ZKSCAN3: variants seen among roughly 807,000 people sequenced by gnomAD.
The protein encoded by ZKSCAN3 is zinc finger protein with KRAB and SCAN domains 3.
In ZKSCAN3, 21 loss-of-function variants were observed where a neutral mutation model predicts 30.7. The observed-to-expected ratio is 0.68, with a 90% confidence interval of 0.49 to 0.99. The LOEUF (loss-of-function observed/expected upper bound fraction) is 0.99, where lower values mean the gene tolerates loss of function less well. ZKSCAN3 is among the 50% of genes least tolerant of loss of function. The probability of loss-of-function intolerance (pLI) is 0.00; values close to 1 mark genes in which losing one functional copy is unlikely to be tolerated. For missense variants in ZKSCAN3, 507 were observed against 647.1 expected, an observed-to-expected ratio of 0.78 and a Z score of 2.35; for synonymous variants, 201 against 246.7, an observed-to-expected ratio of 0.81 and a Z score of 1.73.
Position 28,365,542 on chromosome 6 carries a change from G to A in ZKSCAN3, c.874G>A (p.Ala292Thr). Residue 292 changes from alanine (A) to threonine (T), a missense_variant, in exon 6 of 6, where the codon GCA becomes ACA. Transcript: ENST00000252211. Reference sequence around the variant, plus strand: ...AGACATTGCCCAGATTCCTACATGTGCAGAAGCTGGTGAACAGGAGGGCAG... The same window carrying A: ...AGACATTGCCCAGATTCCTACATGTACAGAAGCTGGTGAACAGGAGGGCAG... ...REDIAQIPTC[A>T]EAGEQEGRLQ... The A allele has an allele frequency of 6.2e-7, 1 of 1,614,254 alleles. No homozygotes were observed. The highest frequency in any genetic ancestry group is 8.5e-7 in the Non-Finnish European group (1 of 1,180,042).
chr6:28,354,588 A>C (rs1561931583), intron 1 of ZKSCAN3, among the ~76,000 whole-genome samples: 1 of 152,230 alleles, frequency 6.6e-6, no homozygotes, highest in Admixed American at 6.5e-5. Flanking sequence ...CATAAGCCTG[A>C]CACATAAGCT....
At chr6:28,357,917 C>T (rs1765533597) in intron 1 of ZKSCAN3, among the ~76,000 whole-genome samples, 1 of 152,198 alleles carries the variant, frequency 6.6e-6, no homozygotes, top group Non-Finnish European at 1.5e-5. Context: ...GTTTTTTGGG[C>T]AAGCCTCACT....
chr6:28,365,772 G>A lies in ZKSCAN3; in HGVS notation c.1104G>A (p.Lys368=). ...VIHQRVHTGE[K]PYECEECGKA... ...ATCAGAGAGTCCACACTGGTGAGAA[G>A]CCATATGAGTGTGAAGAATGTGGTA... Residue 368 remains lysine, a synonymous_variant, in exon 6 of 6, where the codon AAG becomes AAA. Coordinates refer to ENST00000252211, the MANE Select transcript of ZKSCAN3 (RefSeq NM_024493.4). 1 of 1,613,892 alleles carries A rather than the reference G, an allele frequency of 6.2e-7. No homozygotes were observed. Among genetic ancestry groups the A allele is most frequent in the Non-Finnish European group, 8.5e-7 (1 of 1,179,976 alleles).
chr6:28,354,322 A>G (rs1376868359), intron 1 of ZKSCAN3: 1 of 217,250 alleles, frequency 4.6e-6, no homozygotes, highest in African/African-American at 2.2e-5. Flanking sequence ...CTGCGTTCCA[A>G]ACTCGCTGAG....
At position 28,351,982 on chromosome 6, in the gene ZKSCAN3, G is replaced by GT. The variant is rs200896456; in HGVS notation, c.-63+1927dup. Among the ~76,000 whole-genome samples, 14,785 of 145,274 alleles carry GT rather than the reference G, an allele frequency of 0.1. 873 individuals are homozygous for GT. The highest frequency in any genetic ancestry group is 0.31 in the East Asian group (1,553 of 5,072). On this transcript the variant is annotated intron_variant, in intron 1 of 5. Coordinates refer to ENST00000252211, the MANE Select transcript of ZKSCAN3 (RefSeq NM_024493.4). This position sits in a 1 kb window ranked among gnomAD's most constrained non-coding sequence, Gnocchi z 4.6. ...AATAATTGTCTCAAATATTTCTAGAGTTTTTTTTTTTTACAGTCTTTTTAC... is the reference window on the plus strand; with the variant it reads ...AATAATTGTCTCAAATATTTCTAGAGTTTTTTTTTTTTTACAGTCTTTTTAC...
At chr6:28,352,820 G>A (rs1408883854) in intron 1 of ZKSCAN3, among the ~76,000 whole-genome samples, 3 of 152,122 alleles carry the variant, frequency 2.0e-5, no homozygotes, top group Non-Finnish European at 4.4e-5. Context: ...GCTTCTCTCA[G>A]TTTCCTAATT....
chr6:28,366,171 C>G lies in ZKSCAN3; in HGVS notation c.1503C>G (p.Ile501Met). Reference sequence around the variant, plus strand: ...CAGGCCTCATTGAACATCAAAAAATCCACACTGGTGAGAAACCCTATCAGT... The same window carrying G: ...CAGGCCTCATTGAACATCAAAAAATGCACACTGGTGAGAAACCCTATCAGT... ...QNTGLIEHQK[I>M]HTGEKPYQCN... Residue 501 changes from isoleucine to methionine, a missense_variant, in exon 6 of 6, where the codon ATC becomes ATG. Physicochemically the swap from Ile to Met is conservative, Grantham distance 10. Coordinates refer to ENST00000252211, the MANE Select transcript of ZKSCAN3 (RefSeq NM_024493.4). 6.2e-7 allele frequency: 1 copy of G among 1,611,030 alleles called. No individual in the cohort carries two copies.
intron 4 of ZKSCAN3, 105 bp from the exon 5 acceptor site, chr6:28,363,584 TTTA>T: frequency 6.4e-7 from 1 of 1,551,338 alleles, no homozygotes; most frequent in Non-Finnish European, 8.8e-7. Context: ...GCTTTTCCTG[TTTA>T]TTACTAGCTG....
At chr6:28,363,154 G>C in intron 3 of ZKSCAN3, 149 bp from the exon 4 acceptor site, 1 of 636,396 alleles carries the variant, frequency 1.6e-6, no homozygotes, top group Non-Finnish European at 2.7e-6. Context: ...GGAGTGCAGT[G>C]GCTCAATCAC....
At chr6:28,355,187 A>G (rs1279124790) in intron 1 of ZKSCAN3, 1 of 152,126 alleles carries the variant, frequency 6.6e-6, no homozygotes, top group Non-Finnish European at 1.5e-5. Context: ...AGGTCCTAAG[A>G]CTTCCTGTAA....
Position 28,365,896 on chromosome 6 carries a change from A to T in ZKSCAN3, c.1228A>T (p.Ser410Cys), listed in dbSNP as rs1367807510. Reference protein sequence around the residue: ...CDDCGKTFSQSCSLLEHHRIH... With the variant: ...CDDCGKTFSQCCSLLEHHRIH... ...TGACTGTGGGAAGACCTTCAGCCAG[A>T]GCTGCAGCCTCCTTGAACATCACAG... The change falls in exon 6 of 6, where the codon AGC (serine) becomes TGC (cysteine). Residue 410 changes from serine (S) to cysteine (C), a missense_variant. Coordinates refer to ENST00000252211, the MANE Select transcript of ZKSCAN3 (RefSeq NM_024493.4). The T allele has an allele frequency of 6.2e-6, 10 of 1,613,410 alleles. No homozygotes were observed. Among genetic ancestry groups the T allele is most frequent in the Non-Finnish European group, 8.5e-6 (10 of 1,179,616 alleles).
chr6:28,360,978 G>T (rs1050145565), intron 2 of ZKSCAN3, among the ~76,000 whole-genome samples: 4 of 151,464 alleles, frequency 2.6e-5, no homozygotes, highest in Non-Finnish European at 4.4e-5. Context: ...GATAATAAAA[G>T]GTATTAATAT....
At chr6:28,363,940 G>A in intron 5 of ZKSCAN3, 125 bp downstream of exon 5, 1 of 1,264,748 alleles carries the variant, frequency 7.9e-7, no homozygotes, top group Non-Finnish European at 1.1e-6. Flanking sequence ...ATTTCTGAAA[G>A]CCTGTAACTG....
chr6:28,353,349 GTCAC>G (rs1328096149), intron 1 of ZKSCAN3: 1 of 154,176 alleles, frequency 6.5e-6, no homozygotes, highest in East Asian at 1.9e-4. Flanking sequence ...TAATTTTGCA[GTCAC>G]TCACTTCTAG....
chr6:28,365,258 C>G (rs1765913910), intron 5 of ZKSCAN3, among the ~76,000 whole-genome samples, 168 bp from the exon 6 acceptor site: 1 of 152,186 alleles, frequency 6.6e-6, no homozygotes, highest in Non-Finnish European at 1.5e-5. Flanking sequence ...TTAGGTCTCT[C>G]TCCTCCCCAG....
rs1561941924 is a variant in ZKSCAN3 at position 28,366,241 on chromosome 6, C to T, written c.1573C>T (p.Gln525Ter). 1 of 1,555,098 alleles carries T rather than the reference C, an allele frequency of 6.4e-7. No individual in the cohort carries two copies. The highest frequency in any genetic ancestry group is 2.2e-5 in the East Asian group (1 of 44,608). The change falls in exon 6 of 6, where the codon CAA (glutamine) becomes TAA (stop). Residue 525 changes from glutamine to a stop codon, truncating the protein, a stop_gained. Coordinates refer to ENST00000252211, the MANE Select transcript of ZKSCAN3 (RefSeq NM_024493.4). LOFTEE classifies it high-confidence loss of function. ...KGFTRISYLV[Q>*]HQRSHVGKNI... ...CTTCACCCGAATTTCATACCTTGTTCAACATCAGAGAAGCCATGTAGGGAA... is the reference window on the plus strand; with the variant it reads ...CTTCACCCGAATTTCATACCTTGTTTAACATCAGAGAAGCCATGTAGGGAA...
In ZKSCAN3 at chr6:28,351,481, T is replaced by A. The variant is rs1027887547; in HGVS notation, c.-63+1414T>A. Among the ~76,000 whole-genome samples, 1 of 152,192 alleles carries A rather than the reference T, an allele frequency of 6.6e-6. No homozygotes were observed. The stretch of plus-strand genomic sequence containing the variant: ...TAGGACATTGTTTAATTTTCTAAAA[T>A]TTTGGAGAGAAATTTAAACACATTT... On this transcript the variant is annotated intron_variant, in intron 1 of 5. Coordinates refer to ENST00000252211, the MANE Select transcript of ZKSCAN3 (RefSeq NM_024493.4). The surrounding 1 kb of genome is among the most constrained non-coding windows in gnomAD (Gnocchi z 4.6).
chr6:28,353,557 T>C (rs998110247), intron 1 of ZKSCAN3: 10 of 227,424 alleles, frequency 4.4e-5, no homozygotes, highest in Non-Finnish European at 9.0e-5. Flanking sequence ...TGTTTCTAGA[T>C]AATACCATAC....
chr6:28,366,349 G>A lies in ZKSCAN3; in HGVS notation c.*64G>A. On this transcript the variant is annotated 3_prime_UTR_variant, in exon 6 of 6. Coordinates refer to ENST00000252211, the MANE Select transcript of ZKSCAN3 (RefSeq NM_024493.4). ...CTGATCTGAAGCCACTCCCCCTGGA[G>A]TCTCAACTATAGAAATTGTGGGCTG... 3 of 1,463,392 alleles carry A rather than the reference G, an allele frequency of 2.1e-6. No homozygotes were observed. Among genetic ancestry groups the A allele is most frequent in the Non-Finnish European group, 2.7e-6 (3 of 1,108,132 alleles). The allele number at this position is 1,463,392 out of a possible 1,614,324, so 90.7% of individuals were successfully genotyped here.
Sources: gnomAD v4.1 joint callset for allele counts (sites outside exome capture counted in the v4.1 genomes callset) on GRCh38, gnomAD v4.1.1 for gene constraint, Gnocchi (gnomAD v3.1) non-coding constraint, MANE v1.5 for transcripts, NCBI Gene and HGNC (gene_info 2026-07-23, HGNC 2026-07-21) for gene names.